The following FGGY variants were observed in gnomAD, a reference collection of about 807,000 sequenced individuals.
FGGY encodes FGGY carbohydrate kinase domain-containing protein.
FGGY carries 72 observed loss-of-function variants against 71.3 expected under a neutral mutation model. The observed-to-expected ratio is 1.01, with a 90% confidence interval of 0.84 to 1.23. FGGY has a LOEUF of 1.23. FGGY is among the 50% of genes most tolerant of loss of function. FGGY has a pLI of 0.00. For synonymous variants in FGGY, 251 were observed against 250.3 expected (o/e 1.00, Z -0.02); for missense variants, 668 against 682.3 (o/e 0.98, Z 0.23).
intron 14 of FGGY, among the ~76,000 whole-genome samples, chr1:59,738,114 AT>A (rs2098120511): frequency 6.6e-6 from 1 of 152,208 alleles, no homozygotes; most frequent in Admixed American, 6.5e-5. Flanking sequence ...AAGAATATTA[AT>A]TTTGTGCCCA....
rs2097506514 is a variant in FGGY, at chr1:59,682,126, A to G, written c.1512+7993A>G. Among the ~76,000 whole-genome samples the G allele has an allele frequency of 3.3e-5, 5 of 152,284 alleles. No homozygotes were observed. The Middle Eastern group carries it at 0.014, about 414-fold the overall frequency. ...ATAAAGACATTTTCTATAATATTAT[A>G]ATAATTTTACAAATGAGGAAACAGG... On this transcript the variant is annotated intron_variant, in intron 14 of 15. Transcript: ENST00000303721.
At chr1:59,623,268 T>G (rs1212548865) in intron 9 of FGGY, among the ~76,000 whole-genome samples, 2 of 152,168 alleles carry the variant, frequency 1.3e-5, no homozygotes, top group Non-Finnish European at 2.9e-5. Flanking sequence ...TCAAAATAAT[T>G]TTTATGGCCT....
At chr1:59,438,816 AT>A (rs2069086487) in intron 5 of FGGY, among the ~76,000 whole-genome samples, 1 of 152,178 alleles carries the variant, frequency 6.6e-6, no homozygotes, top group Non-Finnish European at 1.5e-5. Flanking sequence ...ACATTTAGAA[AT>A]TTACATACTG....
intron 15 of FGGY, among the ~76,000 whole-genome samples, chr1:59,758,485 T>C (rs2098313519): frequency 6.6e-6 from 1 of 152,216 alleles, no homozygotes; most frequent in Admixed American, 6.5e-5. Context: ...ACAATTTAAT[T>C]TAGGCACATA....
At chr1:59,730,427 A>C (rs369858259) in intron 14 of FGGY, among the ~76,000 whole-genome samples, 1 of 152,026 alleles carries the variant, frequency 6.6e-6, no homozygotes, top group South Asian at 2.1e-4. Context: ...CCCTACTGGA[A>C]TGTAAGCTTA....
At chr1:59,512,065 T>G (rs1200858303) in intron 6 of FGGY, among the ~76,000 whole-genome samples, 1 of 152,214 alleles carries the variant, frequency 6.6e-6, no homozygotes, top group Non-Finnish European at 1.5e-5. Flanking sequence ...TCAGAATCTT[T>G]ATCTGGTTTG....
intron 8 of FGGY, among the ~76,000 whole-genome samples, chr1:59,583,300 G>T (rs1439790124): frequency 7.0e-6 from 1 of 143,372 alleles, no homozygotes; most frequent in Non-Finnish European, 1.5e-5. Context: ...AGCTATAAGG[G>T]TGATTCTGAC....
At position 59,330,290 on chromosome 1, in the gene FGGY, T is replaced by TA. The variant is rs201911087; in HGVS notation, c.201+8548dup. 3.0e-3 allele frequency among the ~76,000 whole-genome samples: 449 copies of TA among 151,580 alleles called. 2 individuals carry two copies. The highest frequency in any genetic ancestry group is 0.011 in the African/African-American group (436 of 41,356). On this transcript the variant is annotated intron_variant, in intron 2 of 15. Transcript: ENST00000303721. The stretch of plus-strand genomic sequence containing the variant: ...TGGGTTATATTAGACCCAGGAAGTG[T>TA]AAAAAAAATGAAGGGTCAAAAGAAA...
intron 3 of FGGY, among the ~76,000 whole-genome samples, chr1:59,341,455 A>G (rs769011403): frequency 2.0e-5 from 3 of 152,204 alleles, no homozygotes; most frequent in Non-Finnish European, 4.4e-5. Flanking sequence ...CTGAAAATGG[A>G]TGCAAATAGA....
intron 5 of FGGY, among the ~76,000 whole-genome samples, chr1:59,380,747 G>A (rs1450125299): frequency 6.6e-6 from 1 of 151,534 alleles, no homozygotes; most frequent in East Asian, 1.9e-4. Flanking sequence ...TAAGTTGCCT[G>A]TTCACTCTGA....
intron 8 of FGGY, among the ~76,000 whole-genome samples, chr1:59,607,071 GA>G (rs1364334182): frequency 2.6e-5 from 4 of 152,198 alleles, no homozygotes; most frequent in African/African-American, 9.7e-5. Flanking sequence ...CAGACAAATA[GA>G]AAACCTTAGT....
intron 8 of FGGY, among the ~76,000 whole-genome samples, chr1:59,568,466 G>GC (rs1201466358): frequency 1.6e-3 from 212 of 134,792 alleles, no homozygotes; most frequent in Non-Finnish European, 2.9e-3. Context: ...CGGGGGGGCG[G>GC]GGGGGGGTGT....
At chr1:59,642,713 T>G (rs1303972134) in intron 11 of FGGY, among the ~76,000 whole-genome samples, 2 of 151,022 alleles carry the variant, frequency 1.3e-5, no homozygotes, top group African/African-American at 2.4e-5. Flanking sequence ...GCGTAAATGT[T>G]GAAAAATAAT....
chr1:59,619,641 T>C (rs1336681540), intron 9 of FGGY, among the ~76,000 whole-genome samples: 1 of 152,008 alleles, frequency 6.6e-6, no homozygotes, highest in Non-Finnish European at 1.5e-5. Context: ...AAAATGACAG[T>C]TGCAGGGAAC....
At chr1:59,371,442 C>T (rs2057613306) in intron 4 of FGGY, among the ~76,000 whole-genome samples, 1 of 151,998 alleles carries the variant, frequency 6.6e-6, no homozygotes, top group Non-Finnish European at 1.5e-5. Context: ...ACTTAGACTC[C>T]CACACATTAA....
chr1:59,722,243 T>C (rs1238340541), intron 14 of FGGY, among the ~76,000 whole-genome samples: 1 of 152,128 alleles, frequency 6.6e-6, no homozygotes, highest in Non-Finnish European at 1.5e-5. Context: ...ATTCTCATCA[T>C]ATCATATCAA....
chr1:59,546,347 T>G (rs150096814), intron 7 of FGGY, among the ~76,000 whole-genome samples: 185 of 148,088 alleles, frequency 1.2e-3, no homozygotes, highest in African/African-American at 4.4e-3. Flanking sequence ...AACTAGTTCA[T>G]ATATCTAGTA....
intron 5 of FGGY, among the ~76,000 whole-genome samples, chr1:59,401,237 A>T (rs887598916): frequency 1.3e-5 from 2 of 152,220 alleles, no homozygotes; most frequent in Non-Finnish European, 2.9e-5. Flanking sequence ...CTGTCATAAT[A>T]TTCAACTAAG....
rs56183805 is a variant in FGGY, at chr1:59,503,618, T to TAA, written c.671-8690_671-8689dup. 2.2e-4 allele frequency among the ~76,000 whole-genome samples: 32 copies of TAA among 143,750 alleles called. 1 individual carries two copies. The highest frequency in any genetic ancestry group is 6.9e-4 in the African/African-American group (27 of 39,182). The allele number at this position is 143,750 out of a possible 152,430, so 94.3% of individuals were successfully genotyped here. On this transcript the variant is annotated intron_variant, in intron 6 of 15. Coordinates refer to ENST00000303721, the MANE Select transcript of FGGY (RefSeq NM_018291.5). ...CCATATATATATATATATATATATA[T>TAA]AAAATATGTATTATATATATAATAT...
Sources: allele counts gnomAD v4.1 joint callset (sites outside exome capture counted in the v4.1 genomes callset), GRCh38; gene constraint gnomAD v4.1.1; transcripts MANE v1.5; gene names NCBI Gene and HGNC (gene_info 2026-07-23, HGNC 2026-07-21).